The following FMN2 variants were observed in gnomAD, a reference collection of about 807,000 sequenced individuals.
The protein encoded by FMN2 is formin-2.
Under a neutral mutation model 142.3 loss-of-function variants are expected in FMN2, and 51 were observed. That is an observed-to-expected ratio of 0.36 (90% CI 0.29 to 0.45). The LOEUF is 0.45. Among genes scored for constraint, FMN2 ranks in the 20% least tolerant of loss-of-function variants. The pLI is 1.00. For synonymous variants in FMN2, 882 were observed against 869.8 expected, an observed-to-expected ratio of 1.01 and a Z score of -0.25; for missense variants, 1,936 against 2,122.8, an observed-to-expected ratio of 0.91 and a Z score of 1.73.
At chr1:240,280,831 A>G (rs191734317) in intron 7 of FMN2, among the ~76,000 whole-genome samples, 2 of 152,294 alleles carry the variant, frequency 1.3e-5, no homozygotes, top group East Asian at 3.9e-4. Flanking sequence ...AATAAATCTT[A>G]TCTAAACAGT....
At chr1:240,166,532 G>A (rs911175371) in intron 2 of FMN2, among the ~76,000 whole-genome samples, 3 of 151,932 alleles carry the variant, frequency 2.0e-5, no homozygotes, top group Admixed American at 6.6e-5. Context: ...ACCCAGCCTC[G>A]TGTATTATAT....
chr1:240,149,858 T>G (rs1374153784), intron 2 of FMN2, among the ~76,000 whole-genome samples: 3 of 152,184 alleles, frequency 2.0e-5, no homozygotes, highest in Non-Finnish European at 4.4e-5. Flanking sequence ...TTTTTGAAAT[T>G]AGAGAGTAGC....
chr1:240,343,626 T>C (rs553628619), intron 13 of FMN2, among the ~76,000 whole-genome samples: 2 of 152,298 alleles, frequency 1.3e-5, no homozygotes, highest in South Asian at 2.1e-4. Context: ...GGTAGTACCA[T>C]GAGAACTGAG....
At chr1:240,401,950 TC>T (rs1346873872) in intron 15 of FMN2, among the ~76,000 whole-genome samples, 1 of 152,196 alleles carries the variant, frequency 6.6e-6, no homozygotes, top group Admixed American at 6.5e-5. Context: ...CCTCACCCTT[TC>T]TTTCATCCTC....
intron 16 of FMN2, among the ~76,000 whole-genome samples, chr1:240,448,975 C>T (rs1675915626): frequency 6.6e-6 from 1 of 151,976 alleles, no homozygotes; most frequent in Non-Finnish European, 1.5e-5. Context: ...AACCCCATCT[C>T]TACAAAAAAT....
chr1:240,150,394 AT>A (rs1663712892), intron 2 of FMN2, among the ~76,000 whole-genome samples: 1 of 152,220 alleles, frequency 6.6e-6, no homozygotes, highest in African/African-American at 2.4e-5. Flanking sequence ...CCATGTGCTC[AT>A]TAATTATGAA....
chr1:240,456,735 C>T (rs181940552), intron 16 of FMN2, among the ~76,000 whole-genome samples: 12 of 152,276 alleles, frequency 7.9e-5, no homozygotes, highest in African/African-American at 2.6e-4. Context: ...GAATCGTAGG[C>T]GTGAGCCACT....
At chr1:240,125,739 T>C (rs1460670103) in intron 2 of FMN2, among the ~76,000 whole-genome samples, 1 of 152,208 alleles carries the variant, frequency 6.6e-6, no homozygotes, top group Non-Finnish European at 1.5e-5. Context: ...TTTTTTAAAA[T>C]CAACTAACCT....
chr1:240,405,500 C>G (rs1674116498), intron 15 of FMN2, among the ~76,000 whole-genome samples: 1 of 152,076 alleles, frequency 6.6e-6, no homozygotes, highest in Non-Finnish European at 1.5e-5. Context: ...TGCCTGTAAT[C>G]CCAGCTACTC....
At chr1:240,177,867 A>G in intron 2 of FMN2, 54 bp from the exon 3 acceptor site, 1 of 1,451,688 alleles carries the variant, frequency 6.9e-7, no homozygotes, top group Non-Finnish European at 9.1e-7. Flanking sequence ...GTCATGGCTT[A>G]TTTTTTTGTA....
intron 1 of FMN2, among the ~76,000 whole-genome samples, chr1:240,121,822 A>G (rs1662271807): frequency 6.8e-6 from 1 of 148,026 alleles, no homozygotes; most frequent in Non-Finnish European, 1.5e-5. Context: ...TCTGAGAGAA[A>G]TGTGAATTTT....
chr1:240,309,725 C>T (rs12022375), intron 8 of FMN2, among the ~76,000 whole-genome samples: 56,032 of 151,598 alleles, frequency 0.37, 12,631 homozygotes, highest in African/African-American at 0.65. Context: ...CAAAGCATAA[C>T]CTCATATTCA....
At chr1:240,213,873 G>A (rs560673078) in intron 6 of FMN2, among the ~76,000 whole-genome samples, 2 of 152,204 alleles carry the variant, frequency 1.3e-5, no homozygotes, top group Admixed American at 6.5e-5. Flanking sequence ...TGGCAGAGAC[G>A]TTTTCAGTGT....
chr1:240,099,472 A>G (rs1475329408), intron 1 of FMN2, among the ~76,000 whole-genome samples: 2 of 152,014 alleles, frequency 1.3e-5, no homozygotes, highest in East Asian at 1.9e-4. Flanking sequence ...GCTGCTTTCC[A>G]AAGAAGGGGT....
chr1:240,320,573 C>G (rs528091007), intron 8 of FMN2, among the ~76,000 whole-genome samples: 1 of 152,088 alleles, frequency 6.6e-6, no homozygotes, highest in Non-Finnish European at 1.5e-5. Flanking sequence ...TATAAAGAAG[C>G]CCATAGTTTT....
At chr1:240,385,450 A>G (rs1481871536) in intron 14 of FMN2, among the ~76,000 whole-genome samples, 9 of 152,200 alleles carry the variant, frequency 5.9e-5, no homozygotes, top group South Asian at 4.1e-4. Flanking sequence ...CTTTATTTCT[A>G]TGCTACATTA....
chr1:240,462,601 G>A (rs976155261), intron 16 of FMN2, among the ~76,000 whole-genome samples: 4 of 152,242 alleles, frequency 2.6e-5, no homozygotes, highest in East Asian at 3.9e-4. Flanking sequence ...AAGCTTAATC[G>A]TCGTTTTACT....
chr1:240,383,239 C>A (rs1027068948), intron 14 of FMN2, among the ~76,000 whole-genome samples: 2 of 135,352 alleles, frequency 1.5e-5, no homozygotes, highest in Admixed American at 1.7e-4. Context: ...AAAGCAAATG[C>A]AACAGAATAA....
Position 240,234,716 on chromosome 1 carries a change from C to T in FMN2, c.4066-23229C>T, listed in dbSNP as rs763724503. Among the ~76,000 whole-genome samples, 206 of 152,172 alleles carry T rather than the reference C, an allele frequency of 1.4e-3. 15 individuals are homozygous for T. The highest frequency in any genetic ancestry group is 6.2e-4 in the Non-Finnish European group (42 of 68,030). Reference sequence around the variant, plus strand: ...ATAATTAGAAAACCATGTTGAATCACGTTGAGTCAGATGAGGATAACTTCC... The same window carrying T: ...ATAATTAGAAAACCATGTTGAATCATGTTGAGTCAGATGAGGATAACTTCC... On this transcript the variant is annotated intron_variant, in intron 6 of 17. Transcript: ENST00000319653.
Sources: gnomAD v4.1 joint callset for allele counts (sites outside exome capture counted in the v4.1 genomes callset) on GRCh38, gnomAD v4.1.1 for gene constraint, MANE v1.5 for transcripts, NCBI Gene and HGNC (gene_info 2026-07-23, HGNC 2026-07-21) for gene names.